HERC4: variants seen among roughly 807,000 people sequenced by gnomAD.
The protein encoded by HERC4 is HECT and RLD domain containing E3 ubiquitin protein ligase 4.
HERC4 carries 28 observed loss-of-function variants against 124.3 expected under a neutral mutation model. The ratio of observed to expected loss-of-function variants is 0.23; its 90% CI spans 0.17 to 0.31. The LOEUF (loss-of-function observed/expected upper bound fraction) is 0.31. HERC4 is among the 10% of genes least tolerant of loss of function. The probability of loss-of-function intolerance (pLI) is 1.00; values close to 1 mark genes in which losing one functional copy is unlikely to be tolerated. For missense variants in HERC4, 713 were observed against 1,229.3 expected (o/e 0.58, Z 6.28); for synonymous variants, 407 against 421.5 (o/e 0.97, Z 0.42).
chr10:67,953,238 A>G (rs2033925807), intron 19 of HERC4, among the ~76,000 whole-genome samples: 1 of 152,212 alleles, frequency 6.6e-6, no homozygotes, highest in South Asian at 2.1e-4. Flanking sequence ...AGCAATCCCT[A>G]AAAATAAGTT....
intron 4 of HERC4, among the ~76,000 whole-genome samples, chr10:68,039,190 G>A (rs999190887): frequency 1.3e-5 from 2 of 150,292 alleles, no homozygotes; most frequent in East Asian, 3.9e-4. Flanking sequence ...GTGGTGGCAC[G>A]CTGTAGTCCC....
chr10:67,986,656 C>T (rs1262472476), intron 15 of HERC4, among the ~76,000 whole-genome samples: 1 of 152,050 alleles, frequency 6.6e-6, no homozygotes, highest in Non-Finnish European at 1.5e-5. Context: ...ACGCCCAGCC[C>T]ATACTGTATA....
rs1372855606 is a variant in HERC4, at chr10:68,006,539, TTTTTTAA to T, written c.1069+7480_1069+7486del. ...GGCGCCAGCCACCATGCCCAGCTAA[TTTTTTAA>T]TTTTTATTTTTAGTAGAGATGGGGT... On this transcript the variant is annotated intron_variant, in intron 9 of 24. Coordinates refer to ENST00000373700, the MANE Select transcript of HERC4 (RefSeq NM_015601.4). Among the ~76,000 whole-genome samples, 9 of 152,174 alleles carry T rather than the reference TTTTTTAA, an allele frequency of 5.9e-5. No homozygotes were observed. The East Asian group carries it at 7.7e-4, about 13-fold the overall frequency.
intron 23 of HERC4, among the ~76,000 whole-genome samples, chr10:67,929,581 C>T (rs1414498896): frequency 2.0e-5 from 3 of 151,968 alleles, no homozygotes; most frequent in African/African-American, 7.3e-5. Flanking sequence ...AGAGTGCAGT[C>T]AGGGCTCACT....
In HERC4 at chr10:67,990,952, A is replaced by G. The variant is rs1378583554; in HGVS notation, c.1395T>C (p.Leu465=). The change falls in exon 13 of 25, where the codon CTT becomes CTC. Residue 465 remains leucine (L), a synonymous_variant. Transcript: ENST00000373700. ...CAGGTTGTATAAGTTTGTGGAATAA[A>G]AGCCTAGCAGCATTCATATCAACCC... ...FSGVDMNAAR[L]LFHKLIQPDH... 2 of 1,609,936 alleles carry G rather than the reference A, an allele frequency of 1.2e-6. No individual in the cohort carries two copies. Among genetic ancestry groups the G allele is most frequent in the Admixed American group, 1.7e-5 (1 of 59,770 alleles).
Position 67,955,079 on chromosome 10 carries a change from C to T in HERC4, c.2077G>A (p.Val693Met). 1.9e-6 allele frequency: 3 copies of T among 1,593,352 alleles called. No homozygotes were observed. The highest frequency in any genetic ancestry group is 2.6e-6 in the Non-Finnish European group (3 of 1,172,340). The change falls in exon 18 of 25, where the codon GTG (valine) becomes ATG (methionine). Residue 693 changes from valine to methionine, a missense_variant. Physicochemically the swap from Val to Met is conservative, Grantham distance 21. Coordinates refer to ENST00000373700, the MANE Select transcript of HERC4 (RefSeq NM_015601.4). ...RQNVSSLFLP[V>M]IESVNPCLIL... The stretch of plus-strand genomic sequence containing the variant: ...AAGCAGGGATTCACAGATTCAATCA[C>T]TGGGAGAAAAAGAGAGGAGACATTC...
In HERC4 at chr10:67,998,551, GA is replaced by G. The variant is rs201038182; in HGVS notation, c.1070-5870del. Among the ~76,000 whole-genome samples the G allele has an allele frequency of 8.9e-3, 230 of 25,820 alleles. 1 individual carries two copies. Among genetic ancestry groups the G allele is most frequent in the East Asian group, 0.079 (48 of 604 alleles). The allele number at this position is 25,820 out of a possible 152,430, so 16.9% of individuals were successfully genotyped here. On this transcript the variant is annotated intron_variant, in intron 9 of 24. Coordinates refer to ENST00000373700, the MANE Select transcript of HERC4 (RefSeq NM_015601.4). ...AAAAGAGTGACACTCCACCTCAATTGAAAAAAAAAAAAGGGGGGGGGGTACA... is the reference window on the plus strand; with the variant it reads ...AAAAGAGTGACACTCCACCTCAATTGAAAAAAAAAAAGGGGGGGGGGTACA...
intron 15 of HERC4, among the ~76,000 whole-genome samples, chr10:67,975,097 G>A (rs936427772): frequency 1.3e-5 from 2 of 152,044 alleles, no homozygotes; most frequent in Non-Finnish European, 1.5e-5. Context: ...GCTGAGGCAG[G>A]AGAATCGCTT....
At chr10:68,014,705 C>T (rs1239937999) in intron 8 of HERC4, among the ~76,000 whole-genome samples, 1 of 152,146 alleles carries the variant, frequency 6.6e-6, no homozygotes, top group African/African-American at 2.4e-5. Context: ...TATATGTACG[C>T]ACCAAAACTC....
chr10:68,052,193 A>G (rs1298921000), intron 3 of HERC4, among the ~76,000 whole-genome samples: 1 of 152,224 alleles, frequency 6.6e-6, no homozygotes, highest in Non-Finnish European at 1.5e-5. Flanking sequence ...TGCTAGACAG[A>G]TGAAACATAT....
chr10:67,980,142 G>A (rs997024857), intron 15 of HERC4, among the ~76,000 whole-genome samples: 7 of 151,930 alleles, frequency 4.6e-5, no homozygotes, highest in Non-Finnish European at 8.8e-5. Context: ...ATAGAGTTTC[G>A]CTCTTGTTGC....
At chr10:67,946,348 A>AACACAC (rs58692888) in intron 19 of HERC4, among the ~76,000 whole-genome samples, 6,723 of 128,372 alleles carry the variant, frequency 0.052, 213 homozygotes, top group Non-Finnish European at 0.068. Flanking sequence ...ATAAAACACA[A>AACACAC]ACACACACAC....
At chr10:68,063,676 A>G (rs1449960164) in intron 3 of HERC4, among the ~76,000 whole-genome samples, 1 of 152,176 alleles carries the variant, frequency 6.6e-6, no homozygotes, top group East Asian at 1.9e-4. Flanking sequence ...GGTGGCTCAC[A>G]CCTGTAAACC....
chr10:67,996,160 G>T (rs1235160485), intron 9 of HERC4: 1 of 449,364 alleles, frequency 2.2e-6, no homozygotes, highest in Non-Finnish European at 4.5e-6. Flanking sequence ...ATTAAAAATT[G>T]GTTAAGCGTG....
At chr10:67,938,764 T>C (rs1038713873) in intron 21 of HERC4, among the ~76,000 whole-genome samples, 6 of 151,928 alleles carry the variant, frequency 3.9e-5, no homozygotes, top group East Asian at 1.9e-4. Flanking sequence ...GCCAAGGTGG[T>C]GAAACCCCGT....
intron 16 of HERC4, 139 bp from the exon 17 acceptor site, chr10:67,957,115 C>T: frequency 2.0e-6 from 1 of 507,720 alleles, no homozygotes; most frequent in Non-Finnish European, 3.4e-6. Flanking sequence ...AAACATGCTG[C>T]TTACAGAATT....
intron 15 of HERC4, among the ~76,000 whole-genome samples, chr10:67,977,567 C>A (rs757612911): frequency 2.2e-4 from 33 of 152,062 alleles, no homozygotes; most frequent in Admixed American, 9.8e-4. Flanking sequence ...ACCTTGGGTA[C>A]CAGCTCCAAC....
At chr10:68,039,110 C>G (rs1022450725) in intron 4 of HERC4, among the ~76,000 whole-genome samples, 15 of 148,692 alleles carry the variant, frequency 1.0e-4, no homozygotes, top group African/African-American at 3.8e-4. Flanking sequence ...AGTTTGAGAC[C>G]AGACTGGCCA....
At position 67,947,248 on chromosome 10, in the gene HERC4, C is replaced by T. The variant is rs2033438471; in HGVS notation, c.2338-6143G>A. Among the ~76,000 whole-genome samples, 3 of 152,272 alleles carry T rather than the reference C, an allele frequency of 2.0e-5. No individual in the cohort carries two copies. The South Asian group carries it at 6.2e-4, about 32-fold the overall frequency. On this transcript the variant is annotated intron_variant, in intron 19 of 24. Transcript: ENST00000373700. Reference sequence around the variant, plus strand: ...AGTCTTTAAAAAAATACAAGTCTTGCTTTAGGTCCAAAGACAGAAATAGGT... The same window carrying T: ...AGTCTTTAAAAAAATACAAGTCTTGTTTTAGGTCCAAAGACAGAAATAGGT...
Sources: allele counts gnomAD v4.1 joint callset (sites outside exome capture counted in the v4.1 genomes callset), GRCh38; gene constraint gnomAD v4.1.1; transcripts MANE v1.5; gene names NCBI Gene and HGNC (gene_info 2026-07-23, HGNC 2026-07-21).